Variants in TECRL observed in about 807,000 individuals in gnomAD.
TECRL encodes the protein trans-2,3-enoyl-CoA reductase like.
A neutral mutation model predicts 52.8 loss-of-function variants in TECRL; 63 were observed. The observed-to-expected ratio is 1.19, with a 90% CI of 0.97 to 1.47. The LOEUF is 1.47. Among genes scored for constraint, TECRL ranks in the 40% most tolerant of loss-of-function variants. TECRL has a pLI of 0.00. For synonymous variants in TECRL, 164 were observed against 141.9 expected, an observed-to-expected ratio of 1.16 and a Z score of -1.10; for missense variants, 482 against 429.6, an observed-to-expected ratio of 1.12 and a Z score of -1.08.
At chr4:64,346,501 ACAC>A (rs758094026) in intron 2 of TECRL, among the ~76,000 whole-genome samples, 16 of 152,236 alleles carry the variant, frequency 1.1e-4, no homozygotes, top group Non-Finnish European at 1.9e-4. Flanking sequence ...TGCAGGCTCA[ACAC>A]CACGTGCAAG....
At chr4:64,312,245 A>G (rs1429365387) in intron 5 of TECRL, among the ~76,000 whole-genome samples, 1 of 152,176 alleles carries the variant, frequency 6.6e-6, no homozygotes. Flanking sequence ...ATTCATCTTA[A>G]AACAACATCA....
chr4:64,400,999 T>G (rs1159896084), intron 1 of TECRL, among the ~76,000 whole-genome samples: 4 of 152,182 alleles, frequency 2.6e-5, no homozygotes, highest in African/African-American at 9.7e-5. Flanking sequence ...GTGTGTGAGG[T>G]GGCTGAGTGT....
At chr4:64,317,577 G>A (rs1398555908) in intron 4 of TECRL, among the ~76,000 whole-genome samples, 3 of 152,170 alleles carry the variant, frequency 2.0e-5, no homozygotes, top group East Asian at 3.9e-4. Flanking sequence ...AGTTTTGGGA[G>A]CATTTATCAC....
intron 2 of TECRL, among the ~76,000 whole-genome samples, chr4:64,361,982 TG>T (rs1721233718): frequency 6.6e-6 from 1 of 152,098 alleles, no homozygotes; most frequent in Non-Finnish European, 1.5e-5. Flanking sequence ...TATTAAAAGA[TG>T]ACATAGCCAT....
chr4:64,280,170 G>A lies in TECRL; in HGVS notation c.994C>T (p.Gln332Ter). The change falls in exon 12 of 12, where the codon CAG becomes TAG. Residue 332 changes from glutamine (Q) to a stop codon, truncating the protein, a stop_gained. Transcript: ENST00000381210. LOFTEE classifies it high-confidence loss of function. ...VGIFTLLMSIQMSLWAQKKHK... is the reference protein window; with the variant it reads ...VGIFTLLMSI ...TTCTTTTGTGCCCACAAAGACATCT[G>A]GATACTCATCAGAAGTGTAAAAATT... is the stretch of plus-strand genomic sequence containing the variant. The A allele has an allele frequency of 1.3e-6, 2 of 1,591,098 alleles. No individual in the cohort carries two copies. The highest frequency in any genetic ancestry group is 1.7e-6 in the Non-Finnish European group (2 of 1,169,746).
chr4:64,314,060 G>A (rs182692888), intron 5 of TECRL, among the ~76,000 whole-genome samples: 5,044 of 150,682 alleles, frequency 0.033, 121 homozygotes, highest in Non-Finnish European at 0.054. Flanking sequence ...TGAGGCAGGA[G>A]AATAGTGTGA....
At chr4:64,382,230 TATATAG>T (rs1306079456) in intron 1 of TECRL, among the ~76,000 whole-genome samples, 69 of 2,632 alleles carry the variant, frequency 0.026, 1 homozygote, top group African/African-American at 0.028. Flanking sequence ...TATATATATA[TATATAG>T]TATTATGTAT....
chr4:64,353,677 C>T (rs1295661783), intron 2 of TECRL, among the ~76,000 whole-genome samples: 4 of 152,040 alleles, frequency 2.6e-5, no homozygotes, highest in African/African-American at 9.7e-5. Flanking sequence ...TATCGAGATG[C>T]CATACTGACA....
intron 2 of TECRL, among the ~76,000 whole-genome samples, chr4:64,362,402 G>T (rs1323581999): frequency 6.6e-6 from 1 of 151,904 alleles, no homozygotes. Context: ...ACAGTCATCA[G>T]ATTCTTCAAA....
At position 64,372,770 on chromosome 4, in the gene TECRL, G is replaced by A. The variant is rs577545397; in HGVS notation, c.286+2402C>T. The stretch of plus-strand genomic sequence containing the variant: ...TAACATATTTTTTTTTTCTTCCCAA[G>A]ATTAAATTCCCATTCCAGGGCCTGA... On this transcript the variant is annotated intron_variant, in intron 2 of 11. Coordinates refer to ENST00000381210, the MANE Select transcript of TECRL (RefSeq NM_001010874.5). Among the ~76,000 whole-genome samples, 17 of 151,246 alleles carry A rather than the reference G, an allele frequency of 1.1e-4. No individual in the cohort carries two copies. The East Asian group carries it at 3.3e-3, about 29-fold the overall frequency.
intron 2 of TECRL, among the ~76,000 whole-genome samples, chr4:64,338,855 C>T (rs1029678722): frequency 1.3e-5 from 2 of 152,130 alleles, no homozygotes; most frequent in Admixed American, 6.5e-5. Flanking sequence ...CTAGTTCAAC[C>T]ATTGTGGAAG....
At chr4:64,328,473 A>T (rs1045786917) in intron 3 of TECRL, 39 bp downstream of exon 3, 10 of 1,564,698 alleles carry the variant, frequency 6.4e-6, no homozygotes, top group Middle Eastern at 1.7e-4. Context: ...AAAAGGGATT[A>T]TAAATTAAAT....
rs143048869 is a variant in TECRL, at chr4:64,326,548, C to T, written c.331+1964G>A. On this transcript the variant is annotated intron_variant, in intron 3 of 11. Transcript: ENST00000381210. Reference sequence around the variant, plus strand: ...CTTCAACAATTCTTTAGTACCTCTGCTCATTTTTATACCTCTACTCCCAGC... The same window carrying T: ...CTTCAACAATTCTTTAGTACCTCTGTTCATTTTTATACCTCTACTCCCAGC... Among the ~76,000 whole-genome samples the T allele has an allele frequency of 2.9e-3, 441 of 152,180 alleles. 1 individual carries two copies. Among genetic ancestry groups the T allele is most frequent in the African/African-American group, 0.01 (416 of 41,534 alleles).
chr4:64,313,413 G>T (rs1017457125), intron 5 of TECRL, among the ~76,000 whole-genome samples: 5 of 142,502 alleles, frequency 3.5e-5, no homozygotes, highest in African/African-American at 1.3e-4. Context: ...GAGAGAGAAA[G>T]ATTATTTTCA....
Position 64,307,170 on chromosome 4 carries a change from T to A in TECRL, c.658-1932A>T, listed in dbSNP as rs7657420. Among the ~76,000 whole-genome samples the A allele has an allele frequency of 8.5e-3, 1,296 of 152,254 alleles. 18 individuals carry two copies. Among genetic ancestry groups the A allele is most frequent in the African/African-American group, 0.029 (1,216 of 41,556 alleles). On this transcript the variant is annotated intron_variant, in intron 6 of 11. Transcript: ENST00000381210. ...GAATGCTATGATCTGGCTCTGTCCA[T>A]TACCTATCAGTGAAGGGATGCTTTT... is the stretch of plus-strand genomic sequence containing the variant.
intron 2 of TECRL, among the ~76,000 whole-genome samples, chr4:64,357,511 G>A (rs1244466349): frequency 6.6e-6 from 1 of 151,288 alleles, no homozygotes; most frequent in Non-Finnish European, 1.5e-5. Context: ...CTGATATTCA[G>A]ATATTATTTT....
intron 8 of TECRL, among the ~76,000 whole-genome samples, chr4:64,295,188 A>G (rs1054240501): frequency 1.3e-5 from 2 of 151,756 alleles, no homozygotes; most frequent in Middle Eastern, 9.9e-3. Flanking sequence ...AACCAAAAAT[A>G]CATGTACTAA....
At chr4:64,397,327 A>G (rs1026960917) in intron 1 of TECRL, among the ~76,000 whole-genome samples, 3 of 151,994 alleles carry the variant, frequency 2.0e-5, no homozygotes, top group Non-Finnish European at 4.4e-5. Context: ...AAGTTTGCCT[A>G]ACCTATGTGG....
intron 2 of TECRL, among the ~76,000 whole-genome samples, chr4:64,330,650 T>C (rs1177895451): frequency 6.6e-6 from 1 of 151,850 alleles, no homozygotes; most frequent in African/African-American, 2.4e-5. Flanking sequence ...CAAATAAAAG[T>C]TTAATTAATC....
Sources: allele counts gnomAD v4.1 joint callset (sites outside exome capture counted in the v4.1 genomes callset), GRCh38; gene constraint gnomAD v4.1.1; transcripts MANE v1.5; gene names NCBI Gene and HGNC (gene_info 2026-07-23, HGNC 2026-07-21).